Variants in ADGRL2 observed in about 807,000 individuals in gnomAD.
ADGRL2 encodes adhesion G protein-coupled receptor L2, also known as calcium-independent alpha-latrotoxin receptor 2.
A neutral mutation model predicts 157.4 loss-of-function variants in ADGRL2; 44 were observed. That is an observed-to-expected ratio of 0.28 (90% confidence interval 0.22 to 0.36). ADGRL2 has a LOEUF of 0.36. Ranked by LOEUF, ADGRL2 falls within the 10% of genes least tolerant of loss-of-function variation. The probability of loss-of-function intolerance (pLI) is 1.00; values close to 1 mark genes in which losing one functional copy is unlikely to be tolerated. For missense variants in ADGRL2, 1,510 were observed against 1,768.9 expected (o/e 0.85, Z 2.63); for synonymous variants, 585 against 624.7 (o/e 0.94, Z 0.95).
At chr1:81,899,576 C>T (rs1439482842) in intron 2 of ADGRL2, among the ~76,000 whole-genome samples, 1 of 152,116 alleles carries the variant, frequency 6.6e-6, no homozygotes, top group Non-Finnish European at 1.5e-5. Context: ...CTAAGCACCG[C>T]TATTTGGTGG....
intron 2 of ADGRL2, among the ~76,000 whole-genome samples, chr1:81,493,755 G>T (rs773263602): frequency 6.6e-6 from 1 of 152,042 alleles, no homozygotes; most frequent in Non-Finnish European, 1.5e-5. Flanking sequence ...AAAAAAATTC[G>T]ATTTACAAGG....
intron 3 of ADGRL2, chr1:81,588,513 C>A (rs1295485078): frequency 6.6e-6 from 1 of 152,210 alleles, no homozygotes; most frequent in African/African-American, 2.4e-5. Context: ...AAGCCCGTAA[C>A]ATAATCATCA....
At chr1:81,795,797 T>C (rs2087556112), upstream of ADGRL2, among the ~76,000 whole-genome samples, 1 of 152,230 alleles carries the variant, frequency 6.6e-6, no homozygotes, top group Admixed American at 6.5e-5. Context: ...TCTTTGCTTT[T>C]GTTCTGCACC....
At chr1:81,731,014 A>G (rs1379845231) in intron 1 of ADGRL2, among the ~76,000 whole-genome samples, 1 of 152,176 alleles carries the variant, frequency 6.6e-6, no homozygotes, top group Non-Finnish European at 1.5e-5. Context: ...GAGGTGCAGT[A>G]AAATAGTTTA....
Position 81,390,303 on chromosome 1 carries a change from G to A in ADGRL2, c.-301-54733G>A, listed in dbSNP as rs1211510043. 8.5e-5 allele frequency among the ~76,000 whole-genome samples: 13 copies of A among 152,366 alleles called. No individual in the cohort carries two copies. The East Asian group carries it at 1.5e-3, about 18-fold the overall frequency. ...TTGTTGAAAAACGTAAAAGAGTTAT[G>A]AAAACTGTGTAAGACTGATGTTCAT... On this transcript the variant is annotated intron_variant, in intron 1 of 24. Coordinates refer to the ADGRL2 transcript ENST00000370721.
chr1:81,364,827 C>T (rs779884795), intron 1 of ADGRL2, among the ~76,000 whole-genome samples: 15 of 151,608 alleles, frequency 9.9e-5, no homozygotes, highest in Non-Finnish European at 1.6e-4. Flanking sequence ...AGTCTCCTAG[C>T]GAATTTTTAT....
rs137887559 is a variant in ADGRL2 at position 81,946,900 on chromosome 1, C to G, written c.1210+3131C>G. On this transcript the variant is annotated intron_variant, in intron 6 of 23. Coordinates refer to ENST00000686636, the MANE Select transcript of ADGRL2 (RefSeq NM_001366006.2). ...GGACCTCAGTGAGGAGAATATTACC[C>G]TTAGCATAAATGTCTGTTGTCTTCA... 8.2e-4 allele frequency among the ~76,000 whole-genome samples: 125 copies of G among 152,206 alleles called. 1 individual carries two copies. Among genetic ancestry groups the G allele is most frequent in the African/African-American group, 2.9e-3 (119 of 41,538 alleles).
In ADGRL2 at chr1:81,351,873, G is replaced by T. The variant is rs144477355; in HGVS notation, c.-302+45364G>T. Among the ~76,000 whole-genome samples the T allele has an allele frequency of 1.9e-3, 285 of 152,330 alleles. 1 individual carries two copies. The highest frequency in any genetic ancestry group is 6.8e-3 in the Middle Eastern group (2 of 294). ...CTAAGTCAGTTTAAAAAGATTAAGA[G>T]CGGCTCCCTTGTTCTAAAATTATAC... is the stretch of plus-strand genomic sequence containing the variant. On this transcript the variant is annotated intron_variant, in intron 1 of 24. Transcript: ENST00000370721.
chr1:81,746,845 T>C (rs1286329835), intron 1 of ADGRL2, among the ~76,000 whole-genome samples: 4 of 136,154 alleles, frequency 2.9e-5, no homozygotes, highest in Non-Finnish European at 6.3e-5. Flanking sequence ...TACATGTATA[T>C]ACACACGTGC....
At chr1:81,390,179 C>T (rs1441736251) in intron 1 of ADGRL2, among the ~76,000 whole-genome samples, 2 of 152,300 alleles carry the variant, frequency 1.3e-5, no homozygotes, top group African/African-American at 4.8e-5. Context: ...TTTATCCATT[C>T]TAATATTGAG....
At chr1:81,911,770 A>G (rs2094727372) in intron 3 of ADGRL2, among the ~76,000 whole-genome samples, 2 of 152,304 alleles carry the variant, frequency 1.3e-5, no homozygotes, top group South Asian at 4.1e-4. Context: ...ACAAAGAAGT[A>G]TGAAACGTAA....
intron 3 of ADGRL2, among the ~76,000 whole-genome samples, chr1:81,927,305 A>G: frequency 6.6e-6 from 1 of 151,988 alleles, no homozygotes; most frequent in Admixed American, 6.6e-5. Context: ...AGTCAAATGG[A>G]TTTATGTTTA....
chr1:81,496,897 T>TA (rs2147987176), intron 2 of ADGRL2, among the ~76,000 whole-genome samples: 1 of 151,336 alleles, frequency 6.6e-6, no homozygotes, highest in South Asian at 2.1e-4. Flanking sequence ...AAACAATATA[T>TA]TTTTTTTCCT....
chr1:81,989,087 A>G (rs1316077044), intron 23 of ADGRL2, among the ~76,000 whole-genome samples: 1 of 151,532 alleles, frequency 6.6e-6, no homozygotes, highest in Non-Finnish European at 1.5e-5. Context: ...CTTGAGAAGC[A>G]CTGTGATGTC....
intron 4 of ADGRL2, among the ~76,000 whole-genome samples, chr1:81,940,508 T>A (rs1029020658): frequency 6.6e-6 from 1 of 151,668 alleles, no homozygotes; most frequent in African/African-American, 2.4e-5. Context: ...CTGAAAGTGG[T>A]TACATAGACC....
At chr1:81,327,739 G>A (rs1660995966) in intron 1 of ADGRL2, among the ~76,000 whole-genome samples, 1 of 152,154 alleles carries the variant, frequency 6.6e-6, no homozygotes. Flanking sequence ...CCCTCTGTAT[G>A]TTAAATGATC....
At position 81,522,447 on chromosome 1, in the gene ADGRL2, A is replaced by G. The variant is rs17106631; in HGVS notation, c.-247-58429A>G. Among the ~76,000 whole-genome samples, 933 of 152,300 alleles carry G rather than the reference A, an allele frequency of 6.1e-3. 12 individuals are homozygous for G. The highest frequency in any genetic ancestry group is 0.021 in the African/African-American group (878 of 41,562). On this transcript the variant is annotated intron_variant, in intron 2 of 24. Transcript: ENST00000370721. The stretch of plus-strand genomic sequence containing the variant: ...TTACTAGAGGAACATTATAAATATA[A>G]CATGTCAGTTCAAGAGCTCTTCTTC...
intron 2 of ADGRL2, among the ~76,000 whole-genome samples, chr1:81,531,604 G>C (rs114536825): frequency 2.0e-5 from 3 of 152,082 alleles, no homozygotes; most frequent in Admixed American, 2.0e-4. Flanking sequence ...GGGAACCCAC[G>C]TCTTAATGAG....
At chr1:81,856,113 C>G (rs1319907427) in intron 2 of ADGRL2, among the ~76,000 whole-genome samples, 1 of 152,144 alleles carries the variant, frequency 6.6e-6, no homozygotes, top group African/African-American at 2.4e-5. Context: ...AGCACAGATG[C>G]ATAATCTGAA....
Sources: gnomAD v4.1 joint callset for allele counts (sites outside exome capture counted in the v4.1 genomes callset) on GRCh38, gnomAD v4.1.1 for gene constraint, MANE v1.5 for transcripts, NCBI Gene and HGNC (gene_info 2026-07-23, HGNC 2026-07-21) for gene names.